The following PARD3 variants were observed in gnomAD, a reference collection of about 807,000 sequenced individuals.
The protein encoded by PARD3 is par-3 family cell polarity regulator, also known as partitioning defective 3 homolog.
PARD3 carries 75 observed loss-of-function variants against 155.4 expected under a neutral mutation model. The observed-to-expected ratio is 0.48, with a 90% CI of 0.40 to 0.58. The LOEUF (loss-of-function observed/expected upper bound fraction) is 0.58, where lower values mean the gene tolerates loss of function less well. Among genes scored for constraint, PARD3 ranks in the 20% least tolerant of loss-of-function variants. PARD3 has a pLI of 0.00. For missense variants in PARD3, 1,642 were observed against 1,721.7 expected (o/e 0.95, Z 0.82); for synonymous variants, 576 against 610.5 (o/e 0.94, Z 0.83).
chr10:34,706,445 G>A (rs1188539111), intron 1 of PARD3, among the ~76,000 whole-genome samples: 3 of 152,162 alleles, frequency 2.0e-5, no homozygotes, highest in Non-Finnish European at 4.4e-5. Flanking sequence ...TGTTAATACA[G>A]TACATAAAGA....
chr10:34,238,585 T>C (rs973343393), intron 22 of PARD3, among the ~76,000 whole-genome samples: 7 of 151,910 alleles, frequency 4.6e-5, no homozygotes, highest in Admixed American at 6.6e-5. Context: ...GAGAAATACA[T>C]GCCCTTAAAA....
At chr10:34,381,928 A>G (rs868471173) in intron 9 of PARD3, among the ~76,000 whole-genome samples, 39 of 95,696 alleles carry the variant, frequency 4.1e-4, no homozygotes, top group East Asian at 1.0e-3. Context: ...AAAAAAAAAA[A>G]AAAAAAAAAA....
At chr10:34,396,851 G>A in intron 7 of PARD3, among the ~76,000 whole-genome samples, 1 of 151,930 alleles carries the variant, frequency 6.6e-6, no homozygotes. Flanking sequence ...AAGCCACCAT[G>A]AAGTTGACAC....
chr10:34,572,342 T>C (rs2086482628), intron 2 of PARD3, among the ~76,000 whole-genome samples: 1 of 151,780 alleles, frequency 6.6e-6, no homozygotes, highest in Non-Finnish European at 1.5e-5. Context: ...CCCTGTCTCA[T>C]TAAAACCTAA....
intron 21 of PARD3, among the ~76,000 whole-genome samples, chr10:34,270,631 T>C (rs2133860756): frequency 6.6e-6 from 1 of 152,272 alleles, no homozygotes; most frequent in African/African-American, 2.4e-5. Context: ...ATCTTACTCA[T>C]TATTAATACA....
chr10:34,474,714 C>T (rs1360192557), intron 3 of PARD3, among the ~76,000 whole-genome samples: 1 of 152,212 alleles, frequency 6.6e-6, no homozygotes, highest in Non-Finnish European at 1.5e-5. Context: ...AGCCAGTGCT[C>T]AATCACAAAT....
chr10:34,273,765 C>A lies in PARD3; in HGVS notation c.3177-3866G>T, dbSNP rs574322845. 8.7e-4 allele frequency among the ~76,000 whole-genome samples: 132 copies of A among 152,230 alleles called. No individual in the cohort carries two copies. The Middle Eastern group carries it at 0.017, about 20-fold the overall frequency. On this transcript the variant is annotated intron_variant, in intron 21 of 24. Coordinates refer to ENST00000374788, the MANE Select transcript of PARD3 (RefSeq NM_001184785.2). The stretch of plus-strand genomic sequence containing the variant: ...GACAGAAAATTGTCACATAGCATTA[C>A]AAGCAAACTTTGCATTTTCCTTGTT...
intron 22 of PARD3, among the ~76,000 whole-genome samples, chr10:34,217,482 G>T (rs1035977525): frequency 1.3e-5 from 2 of 152,128 alleles, no homozygotes; most frequent in African/African-American, 4.8e-5. Flanking sequence ...TCCTTAAAAT[G>T]CCCGTTACAG....
chr10:34,373,878 T>A (rs1840949330), intron 11 of PARD3, among the ~76,000 whole-genome samples: 1 of 151,962 alleles, frequency 6.6e-6, no homozygotes, highest in Admixed American at 6.6e-5. Flanking sequence ...AAAATATAGT[T>A]ATTTTTATCA....
At chr10:34,145,175 T>TTGTG (rs756883064) in intron 22 of PARD3, among the ~76,000 whole-genome samples, 11 of 115,134 alleles carry the variant, frequency 9.6e-5, no homozygotes, top group African/African-American at 3.0e-4. Flanking sequence ...CAACTCTTCA[T>TTGTG]TGTGTGTGTG....
intron 2 of PARD3, among the ~76,000 whole-genome samples, chr10:34,528,140 T>G (rs2082602757): frequency 1.3e-5 from 2 of 152,342 alleles, no homozygotes; most frequent in African/African-American, 4.8e-5. Flanking sequence ...AAGAAATAAC[T>G]TGCAAGTTAA....
intron 1 of PARD3, among the ~76,000 whole-genome samples, chr10:34,803,894 G>C (rs1273163224): frequency 6.6e-6 from 1 of 152,134 alleles, no homozygotes; most frequent in East Asian, 1.9e-4. Context: ...ATTCCTGATA[G>C]GATGTGCTTT....
intron 3 of PARD3, among the ~76,000 whole-genome samples, chr10:34,478,307 C>G (rs993217631): frequency 6.6e-6 from 1 of 152,112 alleles, no homozygotes; most frequent in Non-Finnish European, 1.5e-5. Flanking sequence ...CCAAGAAGAC[C>G]CAGCTGCATT....
intron 5 of PARD3, among the ~76,000 whole-genome samples, chr10:34,411,877 GT>G (rs575446114): frequency 5.8e-4 from 88 of 150,580 alleles, no homozygotes; most frequent in South Asian, 1.5e-3. Flanking sequence ...TTTATCAGGA[GT>G]TTTTTTTCTA....
At chr10:34,742,221 A>G (rs2095031692) in intron 1 of PARD3, among the ~76,000 whole-genome samples, 1 of 152,208 alleles carries the variant, frequency 6.6e-6, no homozygotes, top group African/African-American at 2.4e-5. Flanking sequence ...ACTACAAACA[A>G]TCACAGAGTT....
chr10:34,530,609 T>G (rs2082781212), intron 2 of PARD3, among the ~76,000 whole-genome samples: 1 of 152,228 alleles, frequency 6.6e-6, no homozygotes, highest in African/African-American at 2.4e-5. Context: ...TTAACTGGCT[T>G]TGTTGTCAAT....
At chr10:34,451,072 G>C (rs1337780537) in intron 4 of PARD3, among the ~76,000 whole-genome samples, 2 of 152,104 alleles carry the variant, frequency 1.3e-5, no homozygotes, top group Admixed American at 1.3e-4. Flanking sequence ...TGTTCACTGT[G>C]ACATGGATAT....
At chr10:34,567,797 C>A (rs2134122633) in intron 2 of PARD3, among the ~76,000 whole-genome samples, 1 of 152,232 alleles carries the variant, frequency 6.6e-6, no homozygotes, top group South Asian at 2.1e-4. Flanking sequence ...CAATATTGTA[C>A]CAAGAAGCTT....
intron 22 of PARD3, 59 bp from the exon 23 acceptor site, chr10:34,131,642 G>GTTGCCATGTT: frequency 6.6e-7 from 1 of 1,520,286 alleles, no homozygotes; most frequent in African/African-American, 1.4e-5. Flanking sequence ...GTGAACTGCA[G>GTTGCCATGTT]TTGCTAGCAA....
Sources: allele counts gnomAD v4.1 joint callset (sites outside exome capture counted in the v4.1 genomes callset), GRCh38; gene constraint gnomAD v4.1.1; transcripts MANE v1.5; gene names NCBI Gene and HGNC (gene_info 2026-07-23, HGNC 2026-07-21).